The following ZNF728 variants were observed in gnomAD, a reference collection of about 807,000 sequenced individuals.
ZNF728 encodes the protein zinc finger protein 728.
ZNF728 carries 12 observed loss-of-function variants against 12.5 expected under a neutral mutation model. The ratio of observed to expected loss-of-function variants is 0.96; its 90% CI spans 0.61 to 1.55. The LOEUF is 1.55. ZNF728 is among the 40% of genes most tolerant of loss of function. The pLI is 0.00. For missense variants in ZNF728, 692 were observed against 719.2 expected (o/e 0.96, Z 0.43); for synonymous variants, 205 against 240.7 (o/e 0.85, Z 1.37).
intron 1 of ZNF728, among the ~76,000 whole-genome samples, chr19:22,996,918 C>T (rs985319959): frequency 6.6e-6 from 1 of 152,116 alleles, no homozygotes; most frequent in African/African-American, 2.4e-5. Flanking sequence ...GAATTTTGCA[C>T]AGTGTGTGCA....
intron 1 of ZNF728, among the ~76,000 whole-genome samples, chr19:22,989,039 G>T (rs1473853170): frequency 4.7e-5 from 4 of 85,102 alleles, no homozygotes; most frequent in Admixed American, 2.0e-4. Context: ...CAACAAGAGC[G>T]AAACTCCATC....
chr19:23,003,047 G>A lies in ZNF728; in HGVS notation c.-17C>T, dbSNP rs1225713820. ...ACTCACCATTTCTAGGCTTCCGGGG[G>A]TCCTGGCGACTTAGTTGTGAATCTC... On this transcript the variant is annotated 5_prime_UTR_variant, in exon 1 of 4. Coordinates refer to ENST00000594710, the MANE Select transcript of ZNF728 (RefSeq NM_001267716.2). 6.3e-7 allele frequency: 1 copy of A among 1,581,762 alleles called. No individual in the cohort carries two copies. Among genetic ancestry groups the A allele is most frequent in the South Asian group, 1.2e-5 (1 of 85,984 alleles).
intron 3 of ZNF728, among the ~76,000 whole-genome samples, chr19:22,980,202 C>CAA (rs59991122): frequency 8.7e-6 from 1 of 114,454 alleles, no homozygotes; most frequent in Non-Finnish European, 1.9e-5. Flanking sequence ...AAAAAAGAAA[C>CAA]AAAAAAAAAA....
chr19:22,978,792 A>T lies in ZNF728; in HGVS notation c.227-1682T>A, dbSNP rs149087887. Among the ~76,000 whole-genome samples, 5 of 152,204 alleles carry T rather than the reference A, an allele frequency of 3.3e-5. No homozygotes were observed. In the South Asian group the frequency reaches 1.0e-3, roughly 32 times the overall value. ...CCTGACTGTTAAAAGAAAAACTAAC[A>T]AACAGAAAGGAACAGAAGCAACATC... On this transcript the variant is annotated intron_variant, in intron 3 of 3. Coordinates refer to ENST00000594710, the MANE Select transcript of ZNF728 (RefSeq NM_001267716.2).
At chr19:22,990,980 C>T (rs746179162) in intron 1 of ZNF728, among the ~76,000 whole-genome samples, 4 of 152,086 alleles carry the variant, frequency 2.6e-5, no homozygotes, top group South Asian at 2.1e-4. Flanking sequence ...TAAACAAGTG[C>T]GCTGTCAGTA....
chr19:22,976,646 C>T lies in ZNF728; in HGVS notation c.691G>A (p.Glu231Lys), dbSNP rs1968805400. 2 of 1,613,022 alleles carry T rather than the reference C, an allele frequency of 1.2e-6. No individual in the cohort carries two copies. Among genetic ancestry groups the T allele is most frequent in the Non-Finnish European group, 1.7e-6 (2 of 1,179,940 alleles). The change falls in exon 4 of 4, where the codon GAA (glutamate) becomes AAA (lysine). Residue 231 changes from glutamate to lysine, a missense_variant. By Grantham distance (56) the Glu-to-Lys change is moderately conservative. Coordinates refer to ENST00000594710, the MANE Select transcript of ZNF728 (RefSeq NM_001267716.2). ...TTACTAAAGGCTTTGCCACATTCTTCACATTTGCAGGGTTTCTCTCCAGTA... is the reference window on the plus strand; with the variant it reads ...TTACTAAAGGCTTTGCCACATTCTTTACATTTGCAGGGTTTCTCTCCAGTA... ...IHTGEKPCKC[E>K]ECGKAFSKFS...
chr19:22,976,413 TC>T lies in ZNF728; in HGVS notation c.923del (p.Gly308GlufsTer53). ...TLTAHKTIHA[G>X]EKPYKCEECG... ...ATTCTTCACATTTGTAGGGTTTCTCTCCAGCATGAATTGTCTTATGTGCAGT... is the reference window on the plus strand; with the variant it reads ...ATTCTTCACATTTGTAGGGTTTCTCTCAGCATGAATTGTCTTATGTGCAGT... On this transcript the variant is annotated frameshift_variant, in exon 4 of 4. Transcript: ENST00000594710. LOFTEE classifies it low-confidence loss of function (END_TRUNC). The T allele has an allele frequency of 6.2e-7, 1 of 1,613,262 alleles. No individual in the cohort carries two copies. Among genetic ancestry groups the T allele is most frequent in the Non-Finnish European group, 8.5e-7 (1 of 1,179,918 alleles).
At chr19:22,993,086 T>C (rs1385895154) in intron 1 of ZNF728, among the ~76,000 whole-genome samples, 2 of 152,356 alleles carry the variant, frequency 1.3e-5, no homozygotes, top group South Asian at 2.1e-4. Flanking sequence ...GGATACTTTG[T>C]GGCCTTAAGA....
At chr19:23,002,993 C>A in intron 1 of ZNF728, 35 bp downstream of exon 1, 1 of 1,587,584 alleles carries the variant, frequency 6.3e-7, no homozygotes, top group Non-Finnish European at 8.6e-7. Context: ...CCAGCGGCTG[C>A]CACTCTCTCG....
At chr19:22,981,264 A>C (rs947861854) in intron 3 of ZNF728, among the ~76,000 whole-genome samples, 4 of 152,222 alleles carry the variant, frequency 2.6e-5, no homozygotes, top group Non-Finnish European at 5.9e-5. Flanking sequence ...CTAAGCAAAT[A>C]AACTAGAAAA....
intron 1 of ZNF728, among the ~76,000 whole-genome samples, chr19:22,993,994 AT>A (rs1476849185): frequency 2.0e-5 from 3 of 152,114 alleles, no homozygotes; most frequent in Non-Finnish European, 2.9e-5. Flanking sequence ...TTACCTGAAC[AT>A]TTGTGGGCAT....
intron 2 of ZNF728, among the ~76,000 whole-genome samples, chr19:22,988,066 G>A (rs1199736669): frequency 6.6e-6 from 1 of 152,092 alleles, no homozygotes; most frequent in Non-Finnish European, 1.5e-5. Flanking sequence ...ATACAGTCAT[G>A]CAGGGTTGTA....
chr19:22,989,598 G>C (rs1224965960), intron 1 of ZNF728, among the ~76,000 whole-genome samples: 3 of 152,088 alleles, frequency 2.0e-5, no homozygotes, highest in Non-Finnish European at 4.4e-5. Context: ...ATAATGTCCT[G>C]ATGCACCCAG....
intron 3 of ZNF728, among the ~76,000 whole-genome samples, chr19:22,981,269 A>C (rs574477375): frequency 6.6e-6 from 1 of 152,348 alleles, no homozygotes; most frequent in East Asian, 1.9e-4. Flanking sequence ...CAAATAAACT[A>C]GAAAATCTAG....
rs1218048943 is a variant in ZNF728, at chr19:22,976,442, G to C, written c.895C>G (p.Leu299Val). The C allele has an allele frequency of 2.5e-6, 4 of 1,613,064 alleles. No homozygotes were observed. The Admixed American group carries it at 5.0e-5, about 20-fold the overall frequency. ...GCATGAATTGTCTTATGTGCAGTAA[G>C]GGTTGAGGCCTTACTAAAGGCTTTG... ...CGKAFSKAST[L>V]TAHKTIHAGE... The change falls in exon 4 of 4, where the codon CTT becomes GTT. Residue 299 changes from leucine (L) to valine (V), a missense_variant. Leu to Val is a conservative substitution (Grantham distance 32). Around this residue, in one of 3 missense-constraint regions of ZNF728, gnomAD observed 440 missense variants for 459.6 expected, o/e 0.96. Transcript: ENST00000594710.
chr19:22,996,515 T>G (rs555832886), intron 1 of ZNF728, among the ~76,000 whole-genome samples: 25 of 152,206 alleles, frequency 1.6e-4, no homozygotes, highest in Non-Finnish European at 3.1e-4. Flanking sequence ...TATTCTGCAT[T>G]GCTAAATTTA....
rs1968814355 is a variant in ZNF728, at chr19:22,977,062, T to C, written c.275A>G (p.Glu92Gly). 6.2e-7 allele frequency: 1 copy of C among 1,611,944 alleles called. No individual in the cohort carries two copies. The highest frequency in any genetic ancestry group is 1.1e-5 in the South Asian group (1 of 90,818). The change falls in exon 4 of 4, where the codon GAA becomes GGA. Residue 92 changes from glutamate to glycine, a missense_variant. Glu to Gly is a moderately conservative substitution (Grantham distance 98, BLOSUM62 -2). Transcript: ENST00000594710. ...CAATATCACTTTTTGGAAAGAATCT[T>C]CTCTGCCCTGCTCTGGCCAAAGGTC... ...AQDLWPEQGR[E>G]DSFQKVILRR...
Position 22,976,345 on chromosome 19 carries a change from T to C in ZNF728, c.992A>G (p.Lys331Arg), listed in dbSNP as rs1350151697. The C allele has an allele frequency of 1.9e-6, 3 of 1,613,542 alleles. No homozygotes were observed. Among genetic ancestry groups the C allele is most frequent in the Non-Finnish European group, 2.5e-6 (3 of 1,179,960 alleles). Residue 331 changes from lysine (K) to arginine (R), a missense_variant, in exon 4 of 4, where the codon AAG becomes AGG. By Grantham distance (26) the Lys-to-Arg change is conservative. Transcript: ENST00000594710. Reference protein sequence around the residue: ...FNRSSNLMEHKRIHTGEKPCK... With the variant: ...FNRSSNLMEHRRIHTGEKPCK... ...GGGCTTCTCTCCAGTATGAATTCTC[T>C]TATGTTCCATAAGGTTTGAGGACCG...
chr19:22,989,071 A>C (rs1968954114), intron 1 of ZNF728, among the ~76,000 whole-genome samples: 2 of 151,662 alleles, frequency 1.3e-5, no homozygotes, highest in South Asian at 2.1e-4. Flanking sequence ...AAAAAAAAAA[A>C]AAAAAGAATT....
Sources: allele counts gnomAD v4.1 joint callset (sites outside exome capture counted in the v4.1 genomes callset), GRCh38; gene constraint gnomAD v4.1.1; regional missense constraint gnomAD v4.1.1; transcripts MANE v1.5; gene names NCBI Gene and HGNC (gene_info 2026-07-23, HGNC 2026-07-21).